OSBPL1A: variants seen among roughly 807,000 people sequenced by gnomAD.
The protein encoded by OSBPL1A is oxysterol binding protein like 1A.
Under a neutral mutation model 137.1 loss-of-function variants are expected in OSBPL1A, and 80 were observed. The ratio of observed to expected loss-of-function variants is 0.58; its 90% confidence interval spans 0.49 to 0.70. The LOEUF is 0.70. Ranked by LOEUF, OSBPL1A falls within the 30% of genes least tolerant of loss-of-function variation. OSBPL1A has a pLI of 0.00. For synonymous variants in OSBPL1A, 365 were observed against 389.7 expected (o/e 0.94, Z 0.75); for missense variants, 970 against 1,129.4 (o/e 0.86, Z 2.02).
intron 15 of OSBPL1A, among the ~76,000 whole-genome samples, chr18:24,270,068 A>G (rs570433928): frequency 6.8e-4 from 104 of 152,360 alleles, no homozygotes; most frequent in South Asian, 1.0e-3. Flanking sequence ...TTAGGAATAT[A>G]TGTTGAATAA....
At chr18:24,267,965 G>C (rs932355687) in intron 15 of OSBPL1A, among the ~76,000 whole-genome samples, 3 of 151,194 alleles carry the variant, frequency 2.0e-5, no homozygotes, top group African/African-American at 7.3e-5. Flanking sequence ...AAATGTGTAA[G>C]AATTGAAAAA....
intron 14 of OSBPL1A, among the ~76,000 whole-genome samples, chr18:24,287,422 T>C (rs1021849507): frequency 6.6e-6 from 1 of 152,188 alleles, no homozygotes; most frequent in Non-Finnish European, 1.5e-5. Context: ...AGAGAGTTTA[T>C]CCATTCTGAG....
chr18:24,268,681 C>G (rs1168674624), intron 15 of OSBPL1A, among the ~76,000 whole-genome samples: 1 of 152,158 alleles, frequency 6.6e-6, no homozygotes, highest in East Asian at 1.9e-4. Context: ...CCTCCTGCCT[C>G]TCTGGTCGCC....
At chr18:24,343,582 C>T (rs2091302588) in intron 4 of OSBPL1A, among the ~76,000 whole-genome samples, 1 of 152,064 alleles carries the variant, frequency 6.6e-6, no homozygotes, top group South Asian at 2.1e-4. Flanking sequence ...TACAGAGTTA[C>T]CATAATCAAA....
At chr18:24,172,276 A>T in intron 22 of OSBPL1A, 100 bp downstream of exon 22, 1 of 882,812 alleles carries the variant, frequency 1.1e-6, no homozygotes, top group Non-Finnish European at 1.8e-6. Context: ...AGCCTGTTCT[A>T]GAGCTTTTCT....
intron 27 of OSBPL1A, among the ~76,000 whole-genome samples, chr18:24,164,859 CAA>C (rs2086108747): frequency 6.6e-6 from 1 of 152,220 alleles, no homozygotes; most frequent in African/African-American, 2.4e-5. Context: ...TTCACAATAA[CAA>C]AGATACGGAA....
chr18:24,192,787 G>A (rs1250586493), intron 18 of OSBPL1A, among the ~76,000 whole-genome samples: 1 of 152,154 alleles, frequency 6.6e-6, no homozygotes, highest in Non-Finnish European at 1.5e-5. Flanking sequence ...TGGCAGATAA[G>A]AATATGTACT....
At chr18:24,259,988 C>T (rs2089402571) in intron 15 of OSBPL1A, among the ~76,000 whole-genome samples, 1 of 151,960 alleles carries the variant, frequency 6.6e-6, no homozygotes, top group Admixed American at 6.6e-5. Context: ...CTACGCTCAG[C>T]AATAAGATGA....
At chr18:24,264,084 G>C (rs2089509228) in intron 15 of OSBPL1A, among the ~76,000 whole-genome samples, 7 of 152,192 alleles carry the variant, frequency 4.6e-5, no homozygotes, top group Admixed American at 4.6e-4. Flanking sequence ...TTGCCAAACT[G>C]TAAGACTATG....
At chr18:24,229,965 G>C (rs1417702957) in intron 16 of OSBPL1A, among the ~76,000 whole-genome samples, 2 of 152,140 alleles carry the variant, frequency 1.3e-5, no homozygotes, top group African/African-American at 4.8e-5. Context: ...GGCCAGGCTG[G>C]TCTTGAACTC....
intron 2 of OSBPL1A, among the ~76,000 whole-genome samples, chr18:24,369,884 C>G (rs114343950): frequency 0.013 from 2,043 of 152,274 alleles, 52 homozygotes; most frequent in African/African-American, 0.046. Context: ...CCCCATCCCC[C>G]CTGTCCCTCA....
chr18:24,317,547 T>G, intron 9 of OSBPL1A, 147 bp from the exon 10 acceptor site: 2 of 682,650 alleles, frequency 2.9e-6, no homozygotes, highest in Non-Finnish European at 5.2e-6. Context: ...AACATGAACT[T>G]AGGTACTAAG....
At chr18:24,185,222 A>T (rs2086713712) in intron 18 of OSBPL1A, among the ~76,000 whole-genome samples, 1 of 152,172 alleles carries the variant, frequency 6.6e-6, no homozygotes, top group Non-Finnish European at 1.5e-5. Context: ...TGGTACTACA[A>T]TGTTGGATAC....
At chr18:24,169,440 G>A (rs2086221198) in intron 24 of OSBPL1A, among the ~76,000 whole-genome samples, 1 of 152,202 alleles carries the variant, frequency 6.6e-6, no homozygotes, top group Non-Finnish European at 1.5e-5. Flanking sequence ...ATGCCAGTCC[G>A]AGGAAGTACT....
intron 18 of OSBPL1A, among the ~76,000 whole-genome samples, chr18:24,181,681 C>G (rs548407385): frequency 3.3e-5 from 5 of 152,168 alleles, no homozygotes; most frequent in Non-Finnish European, 7.3e-5. Context: ...GGAGATGGCT[C>G]CAGTGCCTTG....
intron 4 of OSBPL1A, among the ~76,000 whole-genome samples, chr18:24,351,688 T>C (rs1166678121): frequency 6.6e-6 from 1 of 152,108 alleles, no homozygotes; most frequent in East Asian, 1.9e-4. Flanking sequence ...TATAGGTGTG[T>C]GCCACCATGC....
intron 5 of OSBPL1A, 36 bp from the exon 6 acceptor site, chr18:24,334,366 C>T: frequency 1.3e-6 from 2 of 1,502,738 alleles, no homozygotes; most frequent in Non-Finnish European, 1.8e-6. Flanking sequence ...CACTGCTAGT[C>T]AGGATCCAAT....
rs200198027 is a variant in OSBPL1A at position 24,250,186 on chromosome 18, G to GTTTT, written c.1282-10808_1282-10805dup. 1.0e-3 allele frequency among the ~76,000 whole-genome samples: 79 copies of GTTTT among 78,078 alleles called. 1 individual carries two copies. The highest frequency in any genetic ancestry group is 5.9e-3 in the Middle Eastern group (1 of 170). The allele number at this position is 78,078 out of a possible 152,430, so 51.2% of individuals were successfully genotyped here. A position where few individuals can be genotyped will look rare whatever the true frequency, so the allele number is the denominator to read the frequency against. ...TGTTTGTTTGTTTGTTTGTTTGTTTGTTTTTTTTGACATGGAGTCTCACTC... is the reference window on the plus strand; with the variant it reads ...TGTTTGTTTGTTTGTTTGTTTGTTTGTTTTTTTTTTTTGACATGGAGTCTCACTC... On this transcript the variant is annotated intron_variant, in intron 15 of 27. Coordinates refer to ENST00000319481, the MANE Select transcript of OSBPL1A (RefSeq NM_080597.4).
chr18:24,376,963 C>T (rs974785156), intron 2 of OSBPL1A, among the ~76,000 whole-genome samples: 1 of 152,234 alleles, frequency 6.6e-6, no homozygotes, highest in Non-Finnish European at 1.5e-5. Flanking sequence ...CCGCTAGCGC[C>T]TCTCCTTCCA....
Sources: allele counts gnomAD v4.1 joint callset (sites outside exome capture counted in the v4.1 genomes callset), GRCh38; gene constraint gnomAD v4.1.1; transcripts MANE v1.5; gene names NCBI Gene and HGNC (gene_info 2026-07-23, HGNC 2026-07-21).